THRB: variants seen among roughly 807,000 people sequenced by gnomAD.
The protein encoded by THRB is thyroid hormone receptor beta, also known as nuclear receptor subfamily 1 group A member 2.
A neutral mutation model predicts 47.8 loss-of-function variants in THRB; 12 were observed. The observed-to-expected ratio is 0.25, with a 90% CI of 0.16 to 0.41. The LOEUF (loss-of-function observed/expected upper bound fraction) is 0.41, where lower values mean the gene tolerates loss of function less well. THRB is among the 10% of genes least tolerant of loss of function. The pLI is 1.00. For synonymous variants in THRB, 218 were observed against 212.2 expected, an observed-to-expected ratio of 1.03 and a Z score of -0.24; for missense variants, 348 against 589.2, an observed-to-expected ratio of 0.59 and a Z score of 4.24.
At chr3:24,332,773 C>G (rs542053941) in intron 2 of THRB, among the ~76,000 whole-genome samples, 2 of 152,094 alleles carry the variant, frequency 1.3e-5, no homozygotes, top group African/African-American at 4.8e-5. Flanking sequence ...AACTCAAACA[C>G]GGGCTGGGCG....
intron 1 of THRB, among the ~76,000 whole-genome samples, chr3:24,350,987 T>C (rs2063324481): frequency 6.6e-6 from 1 of 152,072 alleles, no homozygotes; most frequent in Admixed American, 6.6e-5. Context: ...CTATATGAAA[T>C]GGTATAAAAG....
At chr3:24,151,049 T>A (rs911945545) in intron 6 of THRB, among the ~76,000 whole-genome samples, 1 of 152,188 alleles carries the variant, frequency 6.6e-6, no homozygotes, top group Non-Finnish European at 1.5e-5. Context: ...ATTATTTTCA[T>A]AGATGTAATG....
At chr3:24,177,725 G>T (rs2041351226) in intron 5 of THRB, among the ~76,000 whole-genome samples, 2 of 152,124 alleles carry the variant, frequency 1.3e-5, no homozygotes, top group African/African-American at 4.8e-5. Flanking sequence ...ACTTCATGTT[G>T]GTGCCCTTGA....
At chr3:24,338,608 C>T (rs139676380) in intron 1 of THRB, among the ~76,000 whole-genome samples, 3 of 152,098 alleles carry the variant, frequency 2.0e-5, no homozygotes, top group Non-Finnish European at 2.9e-5. Flanking sequence ...ATCATTAAAG[C>T]GATTGTTGGT....
intron 8 of THRB, among the ~76,000 whole-genome samples, chr3:24,138,427 T>G (rs2034987075): frequency 6.6e-6 from 1 of 152,186 alleles, no homozygotes; most frequent in Admixed American, 6.5e-5. Context: ...GGATAGTGCA[T>G]GTAGTAACCA....
chr3:24,186,025 G>A (rs949191733), intron 5 of THRB, among the ~76,000 whole-genome samples: 2 of 152,182 alleles, frequency 1.3e-5, no homozygotes, highest in Admixed American at 6.5e-5. Context: ...AAGAATGGAG[G>A]GACTCAAGTG....
At chr3:24,316,722 T>C (rs1470281458) in intron 2 of THRB, among the ~76,000 whole-genome samples, 1 of 152,116 alleles carries the variant, frequency 6.6e-6, no homozygotes, top group Non-Finnish European at 1.5e-5. Flanking sequence ...ACTTCTCAGC[T>C]TCACATACAA....
chr3:24,304,793 G>A (rs1206350197), intron 2 of THRB, among the ~76,000 whole-genome samples: 1 of 151,952 alleles, frequency 6.6e-6, no homozygotes, highest in African/African-American at 2.4e-5. Flanking sequence ...GAAGAAGAGG[G>A]GGAAATACTA....
At chr3:24,212,575 C>A in intron 4 of THRB, among the ~76,000 whole-genome samples, 1 of 45,888 alleles carries the variant, frequency 2.2e-5, no homozygotes, top group African/African-American at 1.2e-4. Flanking sequence ...ACGACTCCGT[C>A]TCAAAAAAAA....
intron 4 of THRB, among the ~76,000 whole-genome samples, chr3:24,227,015 G>A (rs1226533867): frequency 1.3e-5 from 2 of 152,282 alleles, no homozygotes; most frequent in Middle Eastern, 3.4e-3. Context: ...TAGATGAACT[G>A]CACTGTACCT....
At chr3:24,411,709 G>A (rs1215313670) in intron 1 of THRB, among the ~76,000 whole-genome samples, 1 of 151,694 alleles carries the variant, frequency 6.6e-6, no homozygotes, top group Non-Finnish European at 1.5e-5. Flanking sequence ...TTTTTTGGTT[G>A]TCACACTAGG....
intron 4 of THRB, among the ~76,000 whole-genome samples, chr3:24,212,864 A>G (rs979576949): frequency 6.6e-6 from 1 of 152,190 alleles, no homozygotes; most frequent in Non-Finnish European, 1.5e-5. Flanking sequence ...TTTGTCCTCA[A>G]GATTAAGGCA....
At chr3:24,491,308 A>AT (rs1698110853) in intron 1 of THRB, among the ~76,000 whole-genome samples, 1 of 152,174 alleles carries the variant, frequency 6.6e-6, no homozygotes, top group African/African-American at 2.4e-5. Context: ...ATGAAAGTCA[A>AT]TACTCTAGAC....
intron 5 of THRB, among the ~76,000 whole-genome samples, chr3:24,162,740 T>C (rs1331177712): frequency 2.6e-5 from 4 of 151,796 alleles, no homozygotes; most frequent in Non-Finnish European, 5.9e-5. Context: ...CTAAAAGTTA[T>C]TCTAAAGTCT....
intron 4 of THRB, among the ~76,000 whole-genome samples, chr3:24,196,914 C>T (rs1238697272): frequency 1.3e-5 from 2 of 152,310 alleles, no homozygotes; most frequent in Middle Eastern, 6.8e-3. Flanking sequence ...AGGTCTAGTT[C>T]ATCATTTAAG....
chr3:24,323,206 C>T (rs1462279115), intron 2 of THRB, among the ~76,000 whole-genome samples: 1 of 151,400 alleles, frequency 6.6e-6, no homozygotes, highest in East Asian at 1.9e-4. Context: ...AGGCAACCAC[C>T]ATTCCTACGC....
At chr3:24,259,100 T>A (rs1469086712) in intron 3 of THRB, among the ~76,000 whole-genome samples, 3 of 152,148 alleles carry the variant, frequency 2.0e-5, no homozygotes, top group African/African-American at 7.2e-5. Context: ...ATCCAATAAC[T>A]CTTCCATAAA....
At chr3:24,214,505 G>C (rs1239033327) in intron 4 of THRB, among the ~76,000 whole-genome samples, 3 of 151,792 alleles carry the variant, frequency 2.0e-5, no homozygotes, top group Non-Finnish European at 2.9e-5. Flanking sequence ...AAAGCTGAGA[G>C]ACAAGAAGGA....
intron 1 of THRB, among the ~76,000 whole-genome samples, chr3:24,470,387 G>A (rs997444220): frequency 1.3e-5 from 2 of 152,158 alleles, no homozygotes; most frequent in African/African-American, 2.4e-5. Context: ...CACTTCACGT[G>A]ACTGCCTGGA....
Sources: gnomAD v4.1 joint callset for allele counts (sites outside exome capture counted in the v4.1 genomes callset) on GRCh38, gnomAD v4.1.1 for gene constraint, MANE v1.5 for transcripts, NCBI Gene and HGNC (gene_info 2026-07-23, HGNC 2026-07-21) for gene names.